The following PSD3 variants were observed in gnomAD, a reference collection of about 807,000 sequenced individuals.
PSD3 encodes PH and SEC7 domain-containing protein 3.
A neutral mutation model predicts 105.5 loss-of-function variants in PSD3; 49 were observed. The observed-to-expected ratio is 0.46, with a 90% CI of 0.37 to 0.59. The LOEUF (loss-of-function observed/expected upper bound fraction) is 0.59. Among genes scored for constraint, PSD3 ranks in the 20% least tolerant of loss-of-function variants. The pLI is 0.00. For synonymous variants in PSD3, 557 were observed against 457.8 expected, an observed-to-expected ratio of 1.22 and a Z score of -2.77; for missense variants, 1,561 against 1,263.8, an observed-to-expected ratio of 1.24 and a Z score of -3.57.
At position 18,799,369 on chromosome 8, in the gene PSD3, A is replaced by T. The variant is rs1563282785; in HGVS notation, c.2024-16T>A. The T allele has an allele frequency of 8.3e-6, 13 of 1,566,954 alleles. No individual in the cohort carries two copies. Among genetic ancestry groups the T allele is most frequent in the Middle Eastern group, 1.7e-4 (1 of 5,996 alleles). ...TGGACTCCATCTAAAGAAAGATACA[A>T]GAAAAAAAAGCATGAATTCGCTTTT... On this transcript the variant is annotated splice_polypyrimidine_tract_variant and intron_variant, in intron 7 of 15. Coordinates refer to ENST00000327040, the MANE Select transcript of PSD3 (RefSeq NM_015310.4).
chr8:18,884,777 T>C (rs1448213168), intron 2 of PSD3, among the ~76,000 whole-genome samples: 1 of 152,220 alleles, frequency 6.6e-6, no homozygotes, highest in Non-Finnish European at 1.5e-5. Flanking sequence ...CACATACTAA[T>C]GATTCAGAAC....
chr8:18,573,696 C>T (rs890555289), intron 13 of PSD3, among the ~76,000 whole-genome samples: 1 of 152,154 alleles, frequency 6.6e-6, no homozygotes, highest in Admixed American at 6.5e-5. Flanking sequence ...ACACAAAAGA[C>T]CACATCATAT....
Position 18,801,367 on chromosome 8 carries a change from T to A in PSD3, c.1926A>T (p.Ala642=). 1 of 1,596,500 alleles carries A rather than the reference T, an allele frequency of 6.3e-7. No individual in the cohort carries two copies. The highest frequency in any genetic ancestry group is 8.6e-7 in the Non-Finnish European group (1 of 1,167,680). ...CTTGAGTTTCTCCCACAAGAGAGAA[T>A]GCTTTAAAGAAATACCTACAAGAGA... ...LDQSLRYFFK[A]FSLVGETQER... Residue 642 remains alanine, a synonymous_variant, in exon 7 of 16, where the codon GCA becomes GCT. Coordinates refer to ENST00000327040, the MANE Select transcript of PSD3 (RefSeq NM_015310.4).
At chr8:18,716,498 T>C (rs906457532) in intron 9 of PSD3, among the ~76,000 whole-genome samples, 3 of 152,112 alleles carry the variant, frequency 2.0e-5, no homozygotes, top group African/African-American at 7.2e-5. Context: ...GCTTGGTGTA[T>C]TCACACAGCA....
intron 9 of PSD3, among the ~76,000 whole-genome samples, chr8:18,721,773 T>A (rs1480712309): frequency 1.3e-5 from 2 of 152,192 alleles, no homozygotes; most frequent in Non-Finnish European, 1.5e-5. Flanking sequence ...TGATCACACT[T>A]CTTTACCCAA....
chr8:18,806,021 C>G (rs1280446019), intron 4 of PSD3, among the ~76,000 whole-genome samples: 1 of 152,142 alleles, frequency 6.6e-6, no homozygotes, highest in Admixed American at 6.6e-5. Context: ...AATGTTTTTC[C>G]TGGAGACTAC....
chr8:18,943,506 C>G (rs995559325), intron 1 of PSD3, among the ~76,000 whole-genome samples: 2 of 151,884 alleles, frequency 1.3e-5, no homozygotes, highest in African/African-American at 4.8e-5. Flanking sequence ...ACAGGAAAAC[C>G]TGGAGAAGGA....
At chr8:18,821,935 G>GA (rs1812777015) in intron 4 of PSD3, among the ~76,000 whole-genome samples, 1 of 150,918 alleles carries the variant, frequency 6.6e-6, no homozygotes, top group Non-Finnish European at 1.5e-5. Context: ...TCCATCCTAA[G>GA]AAAAAATAAG....
intron 7 of PSD3, among the ~76,000 whole-genome samples, chr8:18,799,704 G>A (rs923623677): frequency 2.6e-5 from 4 of 152,136 alleles, no homozygotes; most frequent in Non-Finnish European, 5.9e-5. Context: ...ATCCAGACAA[G>A]CATTGCTTAC....
intron 10 of PSD3, among the ~76,000 whole-genome samples, chr8:18,649,603 G>A (rs893732788): frequency 2.0e-5 from 3 of 152,196 alleles, no homozygotes; most frequent in African/African-American, 7.2e-5. Context: ...GGGAAGGCAT[G>A]ACTGTATTTT....
chr8:18,897,528 T>C (rs1397001602), intron 2 of PSD3, among the ~76,000 whole-genome samples: 1 of 152,194 alleles, frequency 6.6e-6, no homozygotes, highest in African/African-American at 2.4e-5. Context: ...GTTTTTTCTA[T>C]TTCTGTGATG....
intron 1 of PSD3, among the ~76,000 whole-genome samples, chr8:19,083,600 G>T (rs1829712218): frequency 6.6e-6 from 1 of 152,214 alleles, no homozygotes; most frequent in Non-Finnish European, 1.5e-5. Context: ...AAAGTCAGGT[G>T]TTCATGGATG....
At chr8:18,726,346 G>C (rs755878116) in intron 9 of PSD3, among the ~76,000 whole-genome samples, 9 of 152,184 alleles carry the variant, frequency 5.9e-5, no homozygotes, top group Non-Finnish European at 1.3e-4. Flanking sequence ...TAAAGACAAA[G>C]AAATGTCTTT....
In PSD3 at chr8:18,994,830, A is replaced by G. The variant is rs985605750; in HGVS notation, c.21+18733T>C. 4.6e-5 allele frequency among the ~76,000 whole-genome samples: 7 copies of G among 151,912 alleles called. 1 individual carries two copies. Among genetic ancestry groups the G allele is most frequent in the South Asian group, 4.2e-4 (2 of 4,762 alleles). ...AAGTATGCCTCATTAAAATCAGGAC[A>G]AGATCTATGGTCTAAAGTATAGCAG... On this transcript the variant is annotated intron_variant, in intron 1 of 15. Coordinates refer to ENST00000327040, the MANE Select transcript of PSD3 (RefSeq NM_015310.4).
chr8:19,080,545 A>C (rs777111080), intron 1 of PSD3, among the ~76,000 whole-genome samples: 1 of 152,186 alleles, frequency 6.6e-6, no homozygotes, highest in African/African-American at 2.4e-5. Flanking sequence ...ATAGACCTCC[A>C]TTGCATTTCC....
chr8:18,588,532 A>G lies in PSD3; in HGVS notation c.2481+11832T>C, dbSNP rs74633709. On this transcript the variant is annotated intron_variant, in intron 12 of 15. Coordinates refer to ENST00000327040, the MANE Select transcript of PSD3 (RefSeq NM_015310.4). Reference sequence around the variant, plus strand: ...ATTCTTATGATTTAACTGAAATAGCAACCCGAACAATAACCCATGATTCTA... The same window carrying G: ...ATTCTTATGATTTAACTGAAATAGCGACCCGAACAATAACCCATGATTCTA... Among the ~76,000 whole-genome samples the G allele has an allele frequency of 5.3e-4, 81 of 152,338 alleles. No homozygotes were observed. In the East Asian group the frequency reaches 0.014, roughly 27 times the overall value.
upstream of PSD3, chr8:19,014,535 C>G (rs1189883757): frequency 6.6e-6 from 1 of 152,328 alleles, no homozygotes; most frequent in East Asian, 1.9e-4. This position sits in a 1 kb window ranked among gnomAD's most constrained non-coding sequence, Gnocchi z 4.9. Flanking sequence ...ACGGAGAGAC[C>G]GCAAATCTTT....
At chr8:18,866,181 C>A (rs1018292456) in intron 4 of PSD3, among the ~76,000 whole-genome samples, 2 of 152,202 alleles carry the variant, frequency 1.3e-5, no homozygotes, top group Non-Finnish European at 2.9e-5. Context: ...CGTTTTATCA[C>A]AATTTGCAGT....
chr8:18,840,813 A>T (rs1814558206), intron 4 of PSD3, among the ~76,000 whole-genome samples: 1 of 152,196 alleles, frequency 6.6e-6, no homozygotes, highest in Admixed American at 6.5e-5. Context: ...GAGGCACATG[A>T]TGATAATATT....
Sources: gnomAD v4.1 joint callset for allele counts (sites outside exome capture counted in the v4.1 genomes callset) on GRCh38, gnomAD v4.1.1 for gene constraint, Gnocchi (gnomAD v3.1) non-coding constraint, MANE v1.5 for transcripts, NCBI Gene and HGNC (gene_info 2026-07-23, HGNC 2026-07-21) for gene names.